The following HEXB variants were observed in gnomAD, a reference collection of about 807,000 sequenced individuals.
HEXB encodes the protein hexosaminidase subunit beta.
A neutral mutation model predicts 71.2 loss-of-function variants in HEXB; 51 were observed. The ratio of observed to expected loss-of-function variants is 0.72; its 90% CI spans 0.57 to 0.90. HEXB has a LOEUF of 0.90. Ranked by LOEUF, HEXB falls within the 40% of genes least tolerant of loss-of-function variation. The probability of loss-of-function intolerance (pLI) is 0.00; values close to 1 mark genes in which losing one functional copy is unlikely to be tolerated. For synonymous variants in HEXB, 266 were observed against 249.3 expected, an observed-to-expected ratio of 1.07 and a Z score of -0.63; for missense variants, 617 against 677.0, an observed-to-expected ratio of 0.91 and a Z score of 0.98.
At chr5:74,711,204 A>C (rs1300184476) in intron 6 of HEXB, among the ~76,000 whole-genome samples, 1 of 150,486 alleles carries the variant, frequency 6.6e-6, no homozygotes, top group Non-Finnish European at 1.5e-5. Flanking sequence ...CTATTTAATA[A>C]ATGGTGCTGG....
At chr5:74,720,241 TG>T (rs1301938936) in intron 11 of HEXB, 186 bp from the exon 12 acceptor site, 4 of 613,930 alleles carry the variant, frequency 6.5e-6, no homozygotes, top group Non-Finnish European at 8.8e-6. Flanking sequence ...ACCATTTTTT[TG>T]GGGGGTGGGG....
chr5:74,703,976 G>A (rs1224075415), intron 5 of HEXB, among the ~76,000 whole-genome samples: 6 of 152,200 alleles, frequency 3.9e-5, no homozygotes, highest in African/African-American at 1.4e-4. Context: ...ACCGTGTCTG[G>A]CCTCACAAAT....
chr5:74,680,510 A>G (rs1279441806), upstream of HEXB, among the ~76,000 whole-genome samples: 1 of 152,200 alleles, frequency 6.6e-6, no homozygotes, highest in Non-Finnish European at 1.5e-5. Context: ...TTATATGCTA[A>G]CATTCTGGAT....
In HEXB at chr5:74,707,462, G is replaced by A. The variant is rs571902721; in HGVS notation, c.771+2142G>A. Reference sequence around the variant, plus strand: ...ACGGAGAATGACTTTGATGAGTTGAGAGAAGAAGGCTTCAGAAGATCAAAC... The same window carrying A: ...ACGGAGAATGACTTTGATGAGTTGAAAGAAGAAGGCTTCAGAAGATCAAAC... On this transcript the variant is annotated intron_variant, in intron 6 of 13. Coordinates refer to ENST00000261416, the MANE Select transcript of HEXB (RefSeq NM_000521.4). Among the ~76,000 whole-genome samples the A allele has an allele frequency of 2.6e-4, 40 of 152,312 alleles. 1 individual carries two copies. In the South Asian group the frequency reaches 8.1e-3, roughly 31 times the overall value.
At chr5:74,716,337 A>G (rs1423385776) in intron 8 of HEXB, among the ~76,000 whole-genome samples, 1 of 152,224 alleles carries the variant, frequency 6.6e-6, no homozygotes, top group East Asian at 1.9e-4. Flanking sequence ...CTCTCTGCAA[A>G]TAGCTTTAGA....
intron 6 of HEXB, among the ~76,000 whole-genome samples, chr5:74,710,157 C>T (rs1451399281): frequency 1.3e-5 from 2 of 152,102 alleles, no homozygotes; most frequent in Non-Finnish European, 2.9e-5. Context: ...AAATGTAATC[C>T]AGCATATAAA....
upstream of HEXB, among the ~76,000 whole-genome samples, chr5:74,683,085 T>A (rs1484348689): frequency 6.6e-6 from 1 of 152,156 alleles, no homozygotes; most frequent in Admixed American, 6.5e-5. Flanking sequence ...TGGCAAGATG[T>A]GTCTGTTCAA....
intron 1 of HEXB, among the ~76,000 whole-genome samples, chr5:74,661,511 C>CTGTG (rs1478195245): frequency 2.9e-4 from 37 of 127,812 alleles, no homozygotes; most frequent in East Asian, 1.4e-3. Flanking sequence ...TTTTCTCTCT[C>CTGTG]TCTGTGTGTG....
At chr5:74,715,730 A>AG (rs1749656224) in intron 8 of HEXB, 40 bp downstream of exon 8, 1 of 1,384,960 alleles carries the variant, frequency 7.2e-7, no homozygotes, top group African/African-American at 1.4e-5. Context: ...AAAAAAAAAA[A>AG]GAGAGGCTGG....
At position 74,716,681 on chromosome 5, in the gene HEXB, G is replaced by A. The variant is rs778530133; in HGVS notation, c.1169+8G>A. ...ATCTTTCTACATTCAAAAGTAAGTT[G>A]TTTGAAAGCCTATTTCTGTATTAAT... On this transcript the variant is annotated splice_region_variant and intron_variant, in intron 9 of 13. Coordinates refer to ENST00000261416, the MANE Select transcript of HEXB (RefSeq NM_000521.4). 3 of 1,530,156 alleles carry A rather than the reference G, an allele frequency of 2.0e-6. No individual in the cohort carries two copies. Among genetic ancestry groups the A allele is most frequent in the Non-Finnish European group, 2.7e-6 (3 of 1,107,232 alleles). 94.8% of individuals were successfully genotyped at this position (1,530,156 alleles called of 1,614,324 possible). A position where few individuals can be genotyped will look rare whatever the true frequency, so the allele number is the denominator to read the frequency against.
At chr5:74,700,582 G>C (rs820839) in intron 5 of HEXB, among the ~76,000 whole-genome samples, 112,552 of 151,898 alleles carry the variant, frequency 0.74, 41,937 homozygotes, top group South Asian at 0.79. Context: ...TAGGCATGAG[G>C]CACCATACTC....
chr5:74,664,430 T>TTAAAAAAAAAC (rs768901546), intron 1 of HEXB, among the ~76,000 whole-genome samples: 3 of 79,634 alleles, frequency 3.8e-5, no homozygotes, highest in Non-Finnish European at 7.3e-5. Flanking sequence ...ATTCTATCTC[T>TTAAAAAAAAAC]AAAAAAAAAA....
chr5:74,685,561 T>A lies in HEXB; in HGVS notation c.299+2T>A. The A allele has an allele frequency of 6.5e-7, 1 of 1,546,432 alleles. No homozygotes were observed. The highest frequency in any genetic ancestry group is 1.4e-5 in the African/African-American group (1 of 70,666). ...CCTGCTGGAGGAAGCGTTTCGACGG[T>A]GAGCGCTCCCGGCCCGGCCGGGAGT... is the stretch of plus-strand genomic sequence containing the variant. On this transcript the variant is annotated splice_donor_variant, in intron 1 of 13. Transcript: ENST00000261416. LOFTEE classifies it high-confidence loss of function.
intron 1 of HEXB, among the ~76,000 whole-genome samples, chr5:74,675,479 G>C (rs537229761): frequency 3.3e-4 from 50 of 152,232 alleles, no homozygotes; most frequent in Non-Finnish European, 2.2e-4. Context: ...AGCAACAAGA[G>C]GCTCCACTAG....
intron 1 of HEXB, among the ~76,000 whole-genome samples, chr5:74,670,551 C>T (rs573048958): frequency 6.6e-6 from 1 of 152,310 alleles, no homozygotes; most frequent in South Asian, 2.1e-4. Context: ...GCAGCTGCCT[C>T]ATGTAACAGG....
At chr5:74,671,940 C>T (rs1446630594) in intron 1 of HEXB, among the ~76,000 whole-genome samples, 3 of 152,068 alleles carry the variant, frequency 2.0e-5, no homozygotes, top group South Asian at 2.1e-4. Flanking sequence ...ACATGGAGAC[C>T]GGCGCCTTGG....
intron 5 of HEXB, among the ~76,000 whole-genome samples, chr5:74,698,084 T>A (rs1165468677): frequency 6.6e-6 from 1 of 151,400 alleles, no homozygotes; most frequent in Non-Finnish European, 1.5e-5. Context: ...TATTATTTAT[T>A]TATTTATTTT....
chr5:74,699,146 T>C (rs1378681238), intron 5 of HEXB, among the ~76,000 whole-genome samples: 2 of 151,998 alleles, frequency 1.3e-5, no homozygotes, highest in African/African-American at 2.4e-5. Context: ...ATTACGCCAC[T>C]GCACTCCAGC....
intron 1 of HEXB, among the ~76,000 whole-genome samples, chr5:74,679,276 G>A: frequency 6.6e-6 from 1 of 152,238 alleles, no homozygotes; most frequent in Non-Finnish European, 1.5e-5. Context: ...AAGGCTTTTA[G>A]TAGAGGTATA....
Sources: allele counts gnomAD v4.1 joint callset (sites outside exome capture counted in the v4.1 genomes callset), GRCh38; gene constraint gnomAD v4.1.1; transcripts MANE v1.5; gene names NCBI Gene and HGNC (gene_info 2026-07-23, HGNC 2026-07-21).